Variants in SLC25A48 observed in about 807,000 individuals in gnomAD.
SLC25A48 encodes CTC-321K16.1.
A neutral mutation model predicts 32.2 loss-of-function variants in SLC25A48; 29 were observed. The observed-to-expected ratio is 0.90, with a 90% CI of 0.67 to 1.23. The LOEUF (loss-of-function observed/expected upper bound fraction) is 1.23, where lower values mean the gene tolerates loss of function less well. SLC25A48 is among the 50% of genes most tolerant of loss of function. SLC25A48 has a pLI of 0.00. For missense variants in SLC25A48, 399 were observed against 422.7 expected, an observed-to-expected ratio of 0.94 and a Z score of 0.49; for synonymous variants, 164 against 172.3, an observed-to-expected ratio of 0.95 and a Z score of 0.38.
At chr5:135,605,607 CTTCTT>C (rs1480610420) in intron 1 of SLC25A48, among the ~76,000 whole-genome samples, 1 of 152,238 alleles carries the variant, frequency 6.6e-6, no homozygotes, top group Non-Finnish European at 1.5e-5. Flanking sequence ...CATTTAACAT[CTTCTT>C]CACTACCTCT....
At chr5:135,750,381 G>A (rs190341528) in intron 3 of SLC25A48, among the ~76,000 whole-genome samples, 105 of 152,240 alleles carry the variant, frequency 6.9e-4, no homozygotes, top group Admixed American at 1.6e-3. Flanking sequence ...TGGCTGGAAG[G>A]TCCCAAATGG....
intron 3 of SLC25A48, among the ~76,000 whole-genome samples, chr5:135,779,443 T>C (rs1756664802): frequency 6.6e-6 from 1 of 150,992 alleles, no homozygotes; most frequent in South Asian, 2.1e-4. Flanking sequence ...ACAGGGACTG[T>C]ACACCCCACC....
At chr5:135,801,401 T>C (rs1757323172) in intron 3 of SLC25A48, among the ~76,000 whole-genome samples, 1 of 151,060 alleles carries the variant, frequency 6.6e-6, no homozygotes, top group South Asian at 2.1e-4. Flanking sequence ...TCCTGTGATA[T>C]TGTTCATAGG....
intron 3 of SLC25A48, among the ~76,000 whole-genome samples, chr5:135,747,133 T>G (rs1032324686): frequency 6.6e-6 from 1 of 152,000 alleles, no homozygotes; most frequent in African/African-American, 2.4e-5. Context: ...CATTTGTAAT[T>G]AACAAGTATT....
At chr5:135,598,662 G>A (rs550224864) in intron 1 of SLC25A48, among the ~76,000 whole-genome samples, 8 of 152,276 alleles carry the variant, frequency 5.3e-5, no homozygotes, top group African/African-American at 9.6e-5. Context: ...TATTCAATAG[G>A]TTATAGGAGG....
intron 3 of SLC25A48, among the ~76,000 whole-genome samples, chr5:135,681,399 T>A (rs1267599361): frequency 6.6e-6 from 1 of 152,262 alleles, no homozygotes; most frequent in Non-Finnish European, 1.5e-5. Context: ...ATTTTTTACA[T>A]CTACAAGTTC....
intron 3 of SLC25A48, among the ~76,000 whole-genome samples, chr5:135,808,058 T>A (rs1309860744): frequency 6.6e-6 from 1 of 151,266 alleles, no homozygotes; most frequent in East Asian, 1.9e-4. Context: ...ATTTTCTCAA[T>A]ATCATAGTGT....
At chr5:135,826,180 C>A (rs539933897) in intron 4 of SLC25A48, among the ~76,000 whole-genome samples, 1 of 152,220 alleles carries the variant, frequency 6.6e-6, no homozygotes, top group South Asian at 2.1e-4. Flanking sequence ...ATTCTCCCAG[C>A]CCCTCTCAGC....
At chr5:135,842,040 C>G (rs547814842) in intron 1 of SLC25A48, among the ~76,000 whole-genome samples, 1 of 152,302 alleles carries the variant, frequency 6.6e-6, no homozygotes, top group East Asian at 1.9e-4. Flanking sequence ...AATCACAGGT[C>G]AAGATTTTTT....
rs143224222 is a variant in SLC25A48 at position 135,641,214 on chromosome 5, C to T, written c.-521+6258C>T. The stretch of plus-strand genomic sequence containing the variant: ...AGTCTGAAATGTCAGGTTGGCAGTT[C>T]GATTTGAAATATAGGGTTTGAGGAA... On this transcript the variant is annotated intron_variant, in intron 3 of 10. Coordinates refer to the SLC25A48 transcript ENST00000646290. Among the ~76,000 whole-genome samples, 37 of 151,930 alleles carry T rather than the reference C, an allele frequency of 2.4e-4. No homozygotes were observed. The East Asian group carries it at 4.1e-3, about 17-fold the overall frequency.
At position 135,874,056 on chromosome 5, in the gene SLC25A48, G is replaced by A; in HGVS notation, c.715G>A (p.Val239Ile). ...ISWGTATPMD[V>I]VKSRLQADGV... Reference sequence around the variant, plus strand: ...TTGGGGGACAGCGACTCCTATGGATGTCGTGAAAAGTCGACTCCAAGCTGA... The same window carrying A: ...TTGGGGGACAGCGACTCCTATGGATATCGTGAAAAGTCGACTCCAAGCTGA... Residue 239 changes from valine (V) to isoleucine (I), a missense_variant, in exon 6 of 8, where the codon GTC (valine) becomes ATC (isoleucine). By Grantham distance (29) the Val-to-Ile change is conservative (BLOSUM62 3). Transcript: ENST00000681962. 2 of 1,531,386 alleles carry A rather than the reference G, an allele frequency of 1.3e-6. No homozygotes were observed. Among genetic ancestry groups the A allele is most frequent in the Non-Finnish European group, 1.7e-6 (2 of 1,145,382 alleles). 94.9% of individuals were successfully genotyped at this position (1,531,386 alleles called of 1,614,324 possible). A position where few individuals can be genotyped will look rare whatever the true frequency, so the allele number is the denominator to read the frequency against.
chr5:135,887,464 G>A (rs1362012049), intron 7 of SLC25A48, among the ~76,000 whole-genome samples: 1 of 151,844 alleles, frequency 6.6e-6, no homozygotes, highest in Non-Finnish European at 1.5e-5. Flanking sequence ...GTGTGTGTGT[G>A]TGTGTGTACA....
intron 5 of SLC25A48, 23 bp downstream of exon 5, chr5:135,871,741 C>A: frequency 6.2e-7 from 1 of 1,611,684 alleles, no homozygotes. Flanking sequence ...GCAGCTGGAG[C>A]CGCACCCCTG....
At chr5:135,786,827 C>G (rs1191230464) in intron 3 of SLC25A48, among the ~76,000 whole-genome samples, 2 of 151,212 alleles carry the variant, frequency 1.3e-5, no homozygotes, top group Non-Finnish European at 3.0e-5. Context: ...TGGGTGTACA[C>G]CATGTGTTTA....
intron 4 of SLC25A48, among the ~76,000 whole-genome samples, chr5:135,856,587 C>A (rs569359625): frequency 6.6e-6 from 1 of 152,374 alleles, no homozygotes; most frequent in East Asian, 1.9e-4. Flanking sequence ...GTGTCACATG[C>A]CCCAAGGCTC....
At chr5:135,679,357 G>C (rs1347919410) in intron 3 of SLC25A48, among the ~76,000 whole-genome samples, 2 of 152,208 alleles carry the variant, frequency 1.3e-5, no homozygotes, top group African/African-American at 2.4e-5. Context: ...CGAGGGCCGA[G>C]CTGGGCCAGG....
chr5:135,819,542 ATG>A (rs1186231105), intron 4 of SLC25A48, among the ~76,000 whole-genome samples: 13 of 152,204 alleles, frequency 8.5e-5, no homozygotes, highest in African/African-American at 2.9e-4. Flanking sequence ...ATTCTAGAAA[ATG>A]TAAAATAATC....
intron 3 of SLC25A48, among the ~76,000 whole-genome samples, chr5:135,709,094 CATTGGA>C (rs1286406721): frequency 1.3e-5 from 2 of 152,142 alleles, no homozygotes; most frequent in African/African-American, 4.8e-5. Context: ...TACTAAAATT[CATTGGA>C]AAATTGAGAT....
Position 135,784,981 on chromosome 5 carries a change from A to T in SLC25A48, c.-520-27542A>T. 3.4e-5 allele frequency among the ~76,000 whole-genome samples: 2 copies of T among 59,040 alleles called. 1 individual carries two copies. The highest frequency in any genetic ancestry group is 1.3e-4 in the Non-Finnish European group (2 of 15,878). The allele number at this position is 59,040 out of a possible 152,430, so 38.7% of individuals were successfully genotyped here. On this transcript the variant is annotated intron_variant, in intron 3 of 10. Coordinates refer to the SLC25A48 transcript ENST00000646290. Reference sequence around the variant, plus strand: ...AAGAGGATATTACTCCAAAAATAACAGTAGTTGTATACAAATATTTTTCTT... The same window carrying T: ...AAGAGGATATTACTCCAAAAATAACTGTAGTTGTATACAAATATTTTTCTT...
Sources: allele counts gnomAD v4.1 joint callset (sites outside exome capture counted in the v4.1 genomes callset), GRCh38; gene constraint gnomAD v4.1.1; transcripts MANE v1.5; gene names NCBI Gene and HGNC (gene_info 2026-07-23, HGNC 2026-07-21).